The following MDGA2 variants were observed in gnomAD, a reference collection of about 807,000 sequenced individuals.
The protein encoded by MDGA2 is MAM domain-containing glycosylphosphatidylinositol anchor protein 2.
In MDGA2, 40 loss-of-function variants were observed where a neutral mutation model predicts 117.8. The ratio of observed to expected loss-of-function variants is 0.34; its 90% confidence interval spans 0.26 to 0.44. The LOEUF (loss-of-function observed/expected upper bound fraction) is 0.44. Ranked by LOEUF, MDGA2 falls within the 20% of genes least tolerant of loss-of-function variation. MDGA2 has a pLI of 1.00. For missense variants in MDGA2, 1,123 were observed against 1,250.6 expected, an observed-to-expected ratio of 0.90 and a Z score of 1.54; for synonymous variants, 452 against 439.0, an observed-to-expected ratio of 1.03 and a Z score of -0.37.
chr14:47,219,803 G>A (rs568891153), intron 2 of MDGA2, among the ~76,000 whole-genome samples: 3 of 152,120 alleles, frequency 2.0e-5, no homozygotes, highest in South Asian at 2.1e-4. Flanking sequence ...GAATAGTCTC[G>A]TCTGTGTAAA....
At chr14:47,274,484 C>T (rs961550118) in intron 2 of MDGA2, among the ~76,000 whole-genome samples, 13 of 152,132 alleles carry the variant, frequency 8.5e-5, no homozygotes, top group Middle Eastern at 3.4e-3. Flanking sequence ...CATCAACTGA[C>T]GGATATTTGG....
At chr14:46,920,392 A>G (rs1368743326) in intron 9 of MDGA2, among the ~76,000 whole-genome samples, 2 of 152,192 alleles carry the variant, frequency 1.3e-5, no homozygotes, top group Non-Finnish European at 2.9e-5. Context: ...GATTGGAGGA[A>G]TGGGATTTTC....
chr14:47,284,362 T>C (rs1026676856), intron 2 of MDGA2, among the ~76,000 whole-genome samples: 2 of 152,100 alleles, frequency 1.3e-5, no homozygotes, highest in Non-Finnish European at 2.9e-5. Flanking sequence ...AAAACAGTAA[T>C]TGGTCAGCCC....
At chr14:47,574,392 A>G (rs1482923681) in intron 1 of MDGA2, among the ~76,000 whole-genome samples, 5 of 152,176 alleles carry the variant, frequency 3.3e-5, no homozygotes, top group African/African-American at 1.2e-4. Flanking sequence ...CCAGCAACGG[A>G]ACTTTCATAT....
intron 14 of MDGA2, among the ~76,000 whole-genome samples, chr14:46,867,630 A>G (rs1397456146): frequency 6.6e-6 from 1 of 152,110 alleles, no homozygotes; most frequent in Non-Finnish European, 1.5e-5. Context: ...TCATAAGGTG[A>G]CATACCTGGT....
chr14:46,996,121 G>A (rs1887281807), intron 8 of MDGA2, among the ~76,000 whole-genome samples: 1 of 152,088 alleles, frequency 6.6e-6, no homozygotes, highest in Admixed American at 6.6e-5. Context: ...TGAGATAAGT[G>A]CCACTATTTT....
chr14:47,513,613 G>A (rs543844556), intron 1 of MDGA2, among the ~76,000 whole-genome samples: 3 of 152,052 alleles, frequency 2.0e-5, no homozygotes, highest in Admixed American at 2.0e-4. Flanking sequence ...CATTTCACCA[G>A]TAATAGCAGA....
chr14:47,587,919 CTG>C (rs1345919642), intron 1 of MDGA2, among the ~76,000 whole-genome samples: 1 of 151,854 alleles, frequency 6.6e-6, no homozygotes, highest in Non-Finnish European at 1.5e-5. Context: ...CTCTTATCTA[CTG>C]TCTTTTCCTA....
rs146546833 is a variant in MDGA2 at position 47,659,423 on chromosome 14, C to A, written c.280+15094G>T. Among the ~76,000 whole-genome samples, 896 of 152,272 alleles carry A rather than the reference C, an allele frequency of 5.9e-3. 10 individuals carry two copies. The highest frequency in any genetic ancestry group is 0.021 in the African/African-American group (856 of 41,554). The stretch of plus-strand genomic sequence containing the variant: ...CAATAGTTAAGCCGCTAAAAATATT[C>A]TTAGAACAAACTTAGAAATATCTTA... On this transcript the variant is annotated intron_variant, in intron 1 of 16. Transcript: ENST00000399232.
chr14:47,417,174 G>A (rs1472094570), intron 1 of MDGA2, among the ~76,000 whole-genome samples: 1 of 152,022 alleles, frequency 6.6e-6, no homozygotes, highest in Non-Finnish European at 1.5e-5. Context: ...TTTTAAACTT[G>A]TTTCCCTTTT....
rs78085628 is a variant in MDGA2 at position 47,266,768 on chromosome 14, C to T, written c.420+34643G>A. Among the ~76,000 whole-genome samples the T allele has an allele frequency of 1.3e-3, 198 of 152,262 alleles. 1 individual carries two copies. The East Asian group carries it at 0.032, about 24-fold the overall frequency. ...AATTTTCTCTGCCTGAGGTGCTAATCTTCTGCTCCTACTCTTCTCCAACAC... is the reference window on the plus strand; with the variant it reads ...AATTTTCTCTGCCTGAGGTGCTAATTTTCTGCTCCTACTCTTCTCCAACAC... On this transcript the variant is annotated intron_variant, in intron 2 of 16. Transcript: ENST00000399232.
At chr14:47,613,477 TCTCACACA>T (rs1200978208) in intron 1 of MDGA2, among the ~76,000 whole-genome samples, 22 of 138,250 alleles carry the variant, frequency 1.6e-4, no homozygotes, top group African/African-American at 6.0e-4. Context: ...TCTCTCTCTC[TCTCACACA>T]CACACACACA....
chr14:47,241,135 G>C (rs145724930), intron 2 of MDGA2, among the ~76,000 whole-genome samples: 22 of 151,978 alleles, frequency 1.4e-4, no homozygotes, highest in South Asian at 2.1e-4. Context: ...ATGTTGCAAA[G>C]TTGATCATTT....
chr14:47,289,690 G>A (rs1170485177), intron 2 of MDGA2, among the ~76,000 whole-genome samples: 1 of 151,972 alleles, frequency 6.6e-6, no homozygotes, highest in African/African-American at 2.4e-5. Flanking sequence ...TCAATTCTAT[G>A]TTGACAGATG....
At chr14:47,328,345 T>C (rs1233142450) in intron 1 of MDGA2, among the ~76,000 whole-genome samples, 10 of 150,716 alleles carry the variant, frequency 6.6e-5, no homozygotes, top group South Asian at 4.2e-4. Flanking sequence ...CAGGGAAACT[T>C]TAATGATCAG....
At chr14:47,050,855 T>C (rs569270345) in intron 7 of MDGA2, among the ~76,000 whole-genome samples, 3 of 152,088 alleles carry the variant, frequency 2.0e-5, no homozygotes, top group African/African-American at 7.2e-5. Context: ...GGGAGCGGGA[T>C]ATGGGACTGG....
At chr14:47,415,969 G>A (rs143933445) in intron 1 of MDGA2, among the ~76,000 whole-genome samples, 77 of 152,236 alleles carry the variant, frequency 5.1e-4, no homozygotes, top group African/African-American at 1.7e-3. Flanking sequence ...TTAGGATTTC[G>A]AGGTATGAAT....
intron 8 of MDGA2, among the ~76,000 whole-genome samples, chr14:47,020,143 C>A (rs201049379): frequency 6.5e-5 from 3 of 46,390 alleles, no homozygotes; most frequent in African/African-American, 1.9e-4. Context: ...AAATGCGGAT[C>A]TTCAATCTTT....
chr14:47,633,553 T>G lies in MDGA2; in HGVS notation c.280+40964A>C, dbSNP rs191761962. On this transcript the variant is annotated intron_variant, in intron 1 of 16. Coordinates refer to ENST00000399232, the MANE Select transcript of MDGA2 (RefSeq NM_001113498.3). ...TAAACATGTAGTATAAATAAATTCA[T>G]AGGTAAACATGACAAAACTAAGTGG... is the stretch of plus-strand genomic sequence containing the variant. 2.0e-5 allele frequency among the ~76,000 whole-genome samples: 3 copies of G among 152,320 alleles called. No homozygotes were observed. In the East Asian group the frequency reaches 5.8e-4, roughly 29 times the overall value.
Sources: gnomAD v4.1 joint callset for allele counts (sites outside exome capture counted in the v4.1 genomes callset) on GRCh38, gnomAD v4.1.1 for gene constraint, MANE v1.5 for transcripts, NCBI Gene and HGNC (gene_info 2026-07-23, HGNC 2026-07-21) for gene names.